The following PTPRD variants were observed in gnomAD, a reference collection of about 807,000 sequenced individuals.
The protein encoded by PTPRD is receptor-type tyrosine-protein phosphatase delta.
In PTPRD, 34 loss-of-function variants were observed where a neutral mutation model predicts 214.5. The ratio of observed to expected loss-of-function variants is 0.16; its 90% CI spans 0.12 to 0.21. The LOEUF (loss-of-function observed/expected upper bound fraction) is 0.21, where lower values mean the gene tolerates loss of function less well. PTPRD is among the 10% of genes least tolerant of loss of function. The pLI is 1.00. For missense variants in PTPRD, 2,545 were observed against 2,398.7 expected (o/e 1.06, Z -1.27); for synonymous variants, 1,128 against 845.7 (o/e 1.33, Z -5.79).
At chr9:9,195,107 T>TATATATAC (rs58832794) in intron 9 of PTPRD, among the ~76,000 whole-genome samples, 18,242 of 140,128 alleles carry the variant, frequency 0.13, 1,405 homozygotes, top group East Asian at 0.22. Flanking sequence ...TATATATATA[T>TATATATAC]ACACACACAC....
At chr9:10,529,259 C>A (rs1197801209) in intron 2 of PTPRD, among the ~76,000 whole-genome samples, 4 of 152,094 alleles carry the variant, frequency 2.6e-5, no homozygotes, top group Non-Finnish European at 5.9e-5. Flanking sequence ...ACTATAAAGA[C>A]ACATTCACAC....
chr9:10,260,073 C>A (rs1291840528), intron 3 of PTPRD, among the ~76,000 whole-genome samples: 2 of 152,188 alleles, frequency 1.3e-5, no homozygotes, highest in Non-Finnish European at 2.9e-5. Flanking sequence ...CTCCCTACTA[C>A]ACTAAAACAA....
chr9:10,283,125 T>TACACACACAC lies in PTPRD; in HGVS notation c.-545+57828_-545+57837dup, dbSNP rs58492445. 6.3e-4 allele frequency among the ~76,000 whole-genome samples: 94 copies of TACACACACAC among 149,494 alleles called. 2 individuals carry two copies. In the East Asian group the frequency reaches 0.01, roughly 17 times the overall value. ...ATTCCTCAAAACCTGCCTGCATATG[T>TACACACACAC]ACACACACACACACACACACACAAA... On this transcript the variant is annotated intron_variant, in intron 3 of 45. Transcript: ENST00000381196.
intron 9 of PTPRD, among the ~76,000 whole-genome samples, chr9:9,356,129 T>A (rs150603670): frequency 2.0e-3 from 307 of 151,412 alleles, no homozygotes; most frequent in African/African-American, 7.2e-3. Context: ...AGTATAGACA[T>A]TAATTTCAGG....
intron 30 of PTPRD, among the ~76,000 whole-genome samples, chr9:8,474,120 G>C (rs954167077): frequency 6.6e-6 from 1 of 152,034 alleles, no homozygotes; most frequent in African/African-American, 2.4e-5. Context: ...TCAGAGTCAG[G>C]GTTTGGGGTT....
chr9:9,325,454 A>G (rs1969493946), intron 9 of PTPRD, among the ~76,000 whole-genome samples: 1 of 152,080 alleles, frequency 6.6e-6, no homozygotes, highest in South Asian at 2.1e-4. Flanking sequence ...CTTTGTAGCC[A>G]TTGTGAATGA....
intron 5 of PTPRD, among the ~76,000 whole-genome samples, chr9:9,896,322 G>T (rs1362178368): frequency 8.6e-5 from 13 of 152,040 alleles, no homozygotes; most frequent in African/African-American, 3.1e-4. Context: ...CAAAGATTAA[G>T]ATTCAGCTAG....
chr9:9,513,024 G>T (rs1273978405), intron 8 of PTPRD, among the ~76,000 whole-genome samples: 2 of 151,746 alleles, frequency 1.3e-5, no homozygotes, highest in East Asian at 3.9e-4. Flanking sequence ...ATCTAGATGT[G>T]TTACTGGTTA....
chr9:8,436,762 G>C, intron 34 of PTPRD, 73 bp from the exon 35 acceptor site: 2 of 1,160,368 alleles, frequency 1.7e-6, no homozygotes, highest in African/African-American at 1.5e-5. Flanking sequence ...AAAATATAGA[G>C]AATACTATAG....
At chr9:10,032,586 A>G (rs1205764906) in intron 4 of PTPRD, among the ~76,000 whole-genome samples, 1 of 152,190 alleles carries the variant, frequency 6.6e-6, no homozygotes, top group Non-Finnish European at 1.5e-5. Flanking sequence ...AGCCACATGT[A>G]CAAGCTTACT....
intron 2 of PTPRD, among the ~76,000 whole-genome samples, chr9:10,409,735 T>C (rs940527768): frequency 1.1e-4 from 16 of 151,724 alleles, no homozygotes; most frequent in Admixed American, 8.6e-4. Flanking sequence ...TAAATACAAA[T>C]AGTGGAAATG....
chr9:9,623,253 G>C (rs1175956502), intron 7 of PTPRD, among the ~76,000 whole-genome samples: 1 of 152,114 alleles, frequency 6.6e-6, no homozygotes, highest in African/African-American at 2.4e-5. Flanking sequence ...AGACTTAAAA[G>C]AAACTGGGTG....
At chr9:9,523,264 T>A (rs971960613) in intron 8 of PTPRD, among the ~76,000 whole-genome samples, 10 of 152,158 alleles carry the variant, frequency 6.6e-5, no homozygotes, top group African/African-American at 2.4e-4. Flanking sequence ...TAAATTTTCT[T>A]TACTATCCCT....
chr9:8,879,599 CA>C (rs1161150315), intron 11 of PTPRD, among the ~76,000 whole-genome samples: 4 of 152,126 alleles, frequency 2.6e-5, no homozygotes, highest in African/African-American at 9.7e-5. Context: ...CTCCCTATCC[CA>C]ATTGTGAATT....
intron 21 of PTPRD, among the ~76,000 whole-genome samples, chr9:8,509,921 C>G (rs374635751): frequency 9.9e-5 from 15 of 152,100 alleles, no homozygotes; most frequent in African/African-American, 3.4e-4. Context: ...ACAGGGGGTT[C>G]TCTCCTGTTC....
intron 3 of PTPRD, among the ~76,000 whole-genome samples, chr9:10,312,624 G>A (rs893521572): frequency 2.6e-5 from 4 of 151,924 alleles, no homozygotes; most frequent in African/African-American, 9.7e-5. Context: ...CTATGTTTGT[G>A]TAACTGAATA....
At chr9:9,629,969 C>T (rs2095539626) in intron 7 of PTPRD, among the ~76,000 whole-genome samples, 1 of 148,258 alleles carries the variant, frequency 6.7e-6, no homozygotes, top group African/African-American at 2.6e-5. Flanking sequence ...AAGGTTAAGA[C>T]AGCAGCCTCC....
At chr9:9,175,416 T>C (rs1223006561) in intron 10 of PTPRD, among the ~76,000 whole-genome samples, 3 of 151,184 alleles carry the variant, frequency 2.0e-5, no homozygotes, top group African/African-American at 7.3e-5. Flanking sequence ...AGGTCAGGAG[T>C]TCGAGACCAG....
intron 7 of PTPRD, among the ~76,000 whole-genome samples, chr9:9,733,759 T>G (rs1347663609): frequency 6.6e-6 from 1 of 152,202 alleles, no homozygotes; most frequent in Non-Finnish European, 1.5e-5. Context: ...TACACACGTA[T>G]CTAAGCTAGA....
Sources: allele counts gnomAD v4.1 joint callset (sites outside exome capture counted in the v4.1 genomes callset), GRCh38; gene constraint gnomAD v4.1.1; transcripts MANE v1.5; gene names NCBI Gene and HGNC (gene_info 2026-07-23, HGNC 2026-07-21).